The following DLGAP2 variants were observed in gnomAD, a reference collection of about 807,000 sequenced individuals.
The protein encoded by DLGAP2 is DLG associated protein 2, also known as disks large-associated protein 2.
In DLGAP2, 26 loss-of-function variants were observed where a neutral mutation model predicts 100.3. The observed-to-expected ratio is 0.26, with a 90% confidence interval of 0.19 to 0.36. The LOEUF (loss-of-function observed/expected upper bound fraction) is 0.36. Among genes scored for constraint, DLGAP2 ranks in the 10% least tolerant of loss-of-function variants. The pLI, the probability that DLGAP2 is intolerant of heterozygous loss-of-function variation, is 1.00. For synonymous variants in DLGAP2, 886 were observed against 630.1 expected, an observed-to-expected ratio of 1.41 and a Z score of -6.08; for missense variants, 1,858 against 1,453.2, an observed-to-expected ratio of 1.28 and a Z score of -4.53.
intron 2 of DLGAP2, among the ~76,000 whole-genome samples, chr8:916,514 C>T (rs569728962): frequency 1.9e-4 from 29 of 152,156 alleles, no homozygotes; most frequent in East Asian, 3.9e-4. Flanking sequence ...CATCACACAC[C>T]GGGGCCTGTT....
At chr8:980,067 G>A (rs1419678525) in intron 2 of DLGAP2, among the ~76,000 whole-genome samples, 1 of 152,176 alleles carries the variant, frequency 6.6e-6, no homozygotes, top group Non-Finnish European at 1.5e-5. Context: ...CTGGGAAAAC[G>A]ATAGTGCCAT....
chr8:1,606,774 C>A (rs955039145), intron 6 of DLGAP2, among the ~76,000 whole-genome samples: 16 of 152,186 alleles, frequency 1.1e-4, no homozygotes, highest in African/African-American at 3.6e-4. Flanking sequence ...CCTCCGCCCC[C>A]TGAGCTCAAG....
chr8:1,165,023 G>C (rs941625361), intron 2 of DLGAP2, among the ~76,000 whole-genome samples: 2 of 152,046 alleles, frequency 1.3e-5, no homozygotes, highest in African/African-American at 2.4e-5. Flanking sequence ...GGATGGGGTT[G>C]GGTGTTGGGA....
rs536920412 is a variant in DLGAP2 at position 1,327,445 on chromosome 8, A to G, written c.106+68562A>G. On this transcript the variant is annotated intron_variant, in intron 3 of 14. Coordinates refer to ENST00000637795, the MANE Select transcript of DLGAP2 (RefSeq NM_001346810.2). ...CTCTTCCTTTGTCTTTTATTGGTTT[A>G]GTGACTTCTCGTCATTTAGTTATTG... Among the ~76,000 whole-genome samples, 6 of 152,314 alleles carry G rather than the reference A, an allele frequency of 3.9e-5. No individual in the cohort carries two copies. In the South Asian group the frequency reaches 1.2e-3, roughly 32 times the overall value.
intron 3 of DLGAP2, among the ~76,000 whole-genome samples, chr8:1,269,698 C>G (rs759135799): frequency 1.3e-5 from 2 of 152,044 alleles, no homozygotes; most frequent in African/African-American, 2.4e-5. Flanking sequence ...TGACTGTGCA[C>G]CCCCCTCCCC....
rs57897392 is a variant in DLGAP2 at position 1,457,975 on chromosome 8, CATATATATATATATATATATAT to C, written c.107-43373_107-43352del. On this transcript the variant is annotated intron_variant, in intron 3 of 14. Transcript: ENST00000637795. ...CTGTCAATTGTCTCTGTTCTCTGAT[CATATATATATATATATATATAT>C]ATATATATATATATATAATTTTTTA... 2.6e-3 allele frequency among the ~76,000 whole-genome samples: 285 copies of C among 107,740 alleles called. 6 individuals are homozygous for C. Among genetic ancestry groups the C allele is most frequent in the African/African-American group, 8.7e-3 (259 of 29,616 alleles). The allele number at this position is 107,740 out of a possible 152,430, so 70.7% of individuals were successfully genotyped here.
intron 3 of DLGAP2, among the ~76,000 whole-genome samples, chr8:1,473,217 C>T (rs568237673): frequency 3.5e-4 from 54 of 152,352 alleles, no homozygotes; most frequent in Admixed American, 6.5e-4. Flanking sequence ...AGTCGTGAGC[C>T]ACCGTGCCCA....
intron 3 of DLGAP2, among the ~76,000 whole-genome samples, chr8:1,417,727 A>ACGGGGAGCCCCACTCCTGC: frequency 2.7e-5 from 3 of 111,584 alleles, no homozygotes; most frequent in African/African-American, 6.1e-5. Context: ...GAGGCTCCAG[A>ACGGGGAGCCCCACTCCTGC]CACAGAAGCC....
chr8:867,088 G>T (rs192689052), intron 1 of DLGAP2, among the ~76,000 whole-genome samples: 8 of 152,342 alleles, frequency 5.3e-5, no homozygotes, highest in Non-Finnish European at 7.3e-5. Flanking sequence ...CGGTACCACT[G>T]ATTCGTGTGC....
At chr8:785,172 GTGCCACT>G (rs1821805199) in intron 1 of DLGAP2, among the ~76,000 whole-genome samples, 1 of 129,576 alleles carries the variant, frequency 7.7e-6, no homozygotes, top group Non-Finnish European at 1.6e-5. Flanking sequence ...AGCAGAGATC[GTGCCACT>G]GCATTTTGGC....
intron 1 of DLGAP2, among the ~76,000 whole-genome samples, chr8:792,908 C>T (rs1202337113): frequency 6.6e-6 from 1 of 152,158 alleles, no homozygotes; most frequent in African/African-American, 2.4e-5. Flanking sequence ...GTTTTCACTT[C>T]CCACGCATTT....
intron 4 of DLGAP2, among the ~76,000 whole-genome samples, chr8:1,510,150 A>G (rs910547766): frequency 6.6e-6 from 1 of 152,244 alleles, no homozygotes; most frequent in African/African-American, 2.4e-5. Flanking sequence ...GCAAATGGGC[A>G]TTCGAAAAGG....
At chr8:816,758 G>A (rs1796487873) in intron 1 of DLGAP2, among the ~76,000 whole-genome samples, 1 of 152,146 alleles carries the variant, frequency 6.6e-6, no homozygotes, top group African/African-American at 2.4e-5. Flanking sequence ...GTATTTGGGT[G>A]TCTAGATCTC....
intron 2 of DLGAP2, among the ~76,000 whole-genome samples, chr8:1,240,020 C>G (rs1456122099): frequency 2.6e-5 from 4 of 151,098 alleles, no homozygotes; most frequent in Admixed American, 6.6e-5. Context: ...GTCTAGTTCT[C>G]TCACATGGCG....
rs146146639 is a variant in DLGAP2, at chr8:1,505,722, T to C, written c.172+4291T>C. 2.1e-3 allele frequency among the ~76,000 whole-genome samples: 317 copies of C among 152,346 alleles called. 1 individual carries two copies. Among genetic ancestry groups the C allele is most frequent in the African/African-American group, 6.7e-3 (278 of 41,594 alleles). ...TCACTTTTTCCAGAAGAAATGTTTC[T>C]AGGGAAGACCTTCAGACACACTAGA... On this transcript the variant is annotated intron_variant, in intron 4 of 14. Coordinates refer to ENST00000637795, the MANE Select transcript of DLGAP2 (RefSeq NM_001346810.2).
chr8:1,466,293 A>C (rs962142581), intron 3 of DLGAP2, among the ~76,000 whole-genome samples: 2 of 152,050 alleles, frequency 1.3e-5, no homozygotes, highest in Non-Finnish European at 2.9e-5. Flanking sequence ...ATTTGGTGCC[A>C]GGCAACCTGA....
chr8:1,416,654 T>G (rs184367020), intron 3 of DLGAP2, among the ~76,000 whole-genome samples: 271 of 152,222 alleles, frequency 1.8e-3, no homozygotes, highest in Non-Finnish European at 3.2e-3. Flanking sequence ...GGAAACTCTG[T>G]TTCTGTGTTG....
intron 2 of DLGAP2, among the ~76,000 whole-genome samples, chr8:1,241,266 C>A (rs1029654254): frequency 6.6e-6 from 1 of 151,558 alleles, no homozygotes; most frequent in South Asian, 2.1e-4. Context: ...GTCTAGTTCT[C>A]TCACATGGCT....
chr8:1,521,938 G>T (rs1584981793), intron 4 of DLGAP2, among the ~76,000 whole-genome samples: 1 of 128,352 alleles, frequency 7.8e-6, no homozygotes, highest in African/African-American at 3.1e-5. Context: ...TTGCACACTT[G>T]TTTTAATTTG....
Sources: gnomAD v4.1 joint callset for allele counts (sites outside exome capture counted in the v4.1 genomes callset) on GRCh38, gnomAD v4.1.1 for gene constraint, MANE v1.5 for transcripts, NCBI Gene and HGNC (gene_info 2026-07-23, HGNC 2026-07-21) for gene names.